The following TNFSF8 variants were observed in gnomAD, a reference collection of about 807,000 sequenced individuals.
TNFSF8 encodes the protein TNF superfamily member 8.
In TNFSF8, 4 loss-of-function variants were observed where a neutral mutation model predicts 22.0. The ratio of observed to expected loss-of-function variants is 0.18; its 90% CI spans 0.09 to 0.42. TNFSF8 has a LOEUF of 0.42. TNFSF8 is among the 10% of genes least tolerant of loss of function. The pLI, the probability that TNFSF8 is intolerant of heterozygous loss-of-function variation, is 1.00. For missense variants in TNFSF8, 233 were observed against 281.8 expected (o/e 0.83, Z 1.24); for synonymous variants, 106 against 112.5 (o/e 0.94, Z 0.37).
downstream of TNFSF8, among the ~76,000 whole-genome samples, chr9:114,899,893 T>G (rs528492732): frequency 6.6e-6 from 1 of 152,198 alleles, no homozygotes; most frequent in Admixed American, 6.5e-5. Context: ...TGTGACACCA[T>G]TTATAATTTT....
chr9:114,900,542 C>A (rs1278993479), downstream of TNFSF8, among the ~76,000 whole-genome samples: 3 of 152,218 alleles, frequency 2.0e-5, no homozygotes, highest in Non-Finnish European at 4.4e-5. Context: ...GTCTTTCCAA[C>A]CTTACTTTGG....
rs562233498 is a variant in TNFSF8, at chr9:114,901,930, T to C, written c.*2001A>G. On this transcript the variant is annotated 3_prime_UTR_variant, in exon 4 of 4. Coordinates refer to ENST00000223795, the MANE Select transcript of TNFSF8 (RefSeq NM_001244.4). ...CCACTGCTGATTTGTTCTTTCTTTT[T>C]TTCTTTTAAATCTTTTCTAGCTTTC... is the stretch of plus-strand genomic sequence containing the variant. 2.0e-6 allele frequency: 2 copies of C among 982,646 alleles called. No homozygotes were observed. Among genetic ancestry groups the C allele is most frequent in the Non-Finnish European group, 2.4e-6 (2 of 827,542 alleles). The allele number at this position is 982,646 out of a possible 1,614,324, so 60.9% of individuals were successfully genotyped here.
chr9:114,919,902 C>A (rs1395397117), intron 1 of TNFSF8, among the ~76,000 whole-genome samples: 1 of 152,152 alleles, frequency 6.6e-6, no homozygotes, highest in Non-Finnish European at 1.5e-5. Flanking sequence ...AGGCAAAGCC[C>A]TGGCACAGCA....
In TNFSF8 at chr9:114,904,000, C is replaced by T. The variant is rs1827752106; in HGVS notation, c.636G>A (p.Gln212=). The T allele has an allele frequency of 6.2e-7, 1 of 1,613,982 alleles. No individual in the cohort carries two copies. The highest frequency in any genetic ancestry group is 1.7e-5 in the Admixed American group (1 of 60,000). ...GAGGAAAGGTGCTTGTATCTATGTA[C>T]TGGAATGTATCCACATTGACTGATA... ...TTISVNVDTF[Q]YIDTSTFPLE... The change falls in exon 4 of 4, where the codon CAG becomes CAA. Residue 212 remains glutamine, a synonymous_variant. Transcript: ENST00000223795.
rs1827713203 is a variant in TNFSF8 at position 114,901,271 on chromosome 9, C to G, written c.*2660G>C. ...AGTAACAGAATTTAGTTTTAAACTT[C>G]CTGGGTTGCCTACTCCCTACATATC... On this transcript the variant is annotated 3_prime_UTR_variant, in exon 4 of 4. Coordinates refer to ENST00000223795, the MANE Select transcript of TNFSF8 (RefSeq NM_001244.4). 1 of 985,218 alleles carries G rather than the reference C, an allele frequency of 1.0e-6. No homozygotes were observed. Among genetic ancestry groups the G allele is most frequent in the Non-Finnish European group, 1.2e-6 (1 of 829,908 alleles). The allele number at this position is 985,218 out of a possible 1,614,324, so 61.0% of individuals were successfully genotyped here.
chr9:114,901,931 T>C lies in TNFSF8; in HGVS notation c.*2000A>G, dbSNP rs2295800. The C allele has an allele frequency of 0.46, 446,979 of 981,390 alleles. 105,628 individuals carry two copies. Among genetic ancestry groups the C allele is most frequent in the African/African-American group, 0.76 (43,616 of 57,168 alleles). The allele number at this position is 981,390 out of a possible 1,614,324, so 60.8% of individuals were successfully genotyped here. A position where few individuals can be genotyped will look rare whatever the true frequency, so the allele number is the denominator to read the frequency against. ...CACTGCTGATTTGTTCTTTCTTTTT[T>C]TCTTTTAAATCTTTTCTAGCTTTCC... is the stretch of plus-strand genomic sequence containing the variant. On this transcript the variant is annotated 3_prime_UTR_variant, in exon 4 of 4. Transcript: ENST00000223795.
chr9:114,930,173 G>A lies in TNFSF8; in HGVS notation c.131C>T (p.Ala44Val). 6.2e-7 allele frequency: 1 copy of A among 1,604,856 alleles called. No homozygotes were observed. Among genetic ancestry groups the A allele is most frequent in the Non-Finnish European group, 8.5e-7 (1 of 1,175,546 alleles). Residue 44 changes from alanine (A) to valine (V), a missense_variant, in exon 1 of 4, where the codon GCC becomes GTC. Transcript: ENST00000223795. The part of the protein sequence containing the change: ...TSRSYFYLTT[A>V]TLALCLVFTV... ...GAAGACAAGGCACAGAGCCAGAGTG[G>A]CTGTGGTCAAATAGAAATAGCTGCG...
intron 4 of TNFSF8, among the ~76,000 whole-genome samples, chr9:114,895,108 G>T (rs571154928): frequency 1.3e-5 from 2 of 152,204 alleles, no homozygotes; most frequent in Non-Finnish European, 2.9e-5. Context: ...GAGCCTCCTG[G>T]TTGTGAAGGA....
At chr9:114,919,414 A>G (rs1385036867) in intron 1 of TNFSF8, among the ~76,000 whole-genome samples, 1 of 152,306 alleles carries the variant, frequency 6.6e-6, no homozygotes, top group East Asian at 1.9e-4. Context: ...TTCTAGTTCA[A>G]GGACTCTCAA....
chr9:114,917,262 C>T (rs1827931036), intron 2 of TNFSF8, among the ~76,000 whole-genome samples: 2 of 152,152 alleles, frequency 1.3e-5, no homozygotes, highest in South Asian at 4.1e-4. Flanking sequence ...GCTGTGTTTG[C>T]CATCTAGGTT....
At chr9:114,909,156 C>T (rs142095882) in intron 2 of TNFSF8, among the ~76,000 whole-genome samples, 2 of 152,312 alleles carry the variant, frequency 1.3e-5, no homozygotes, top group East Asian at 3.9e-4. Flanking sequence ...TTATCAAGAG[C>T]TAGATGAACA....
Position 114,930,382 on chromosome 9 carries a change from G to A in TNFSF8, c.-79C>T. The A allele has an allele frequency of 5.1e-6, 6 of 1,180,790 alleles. No homozygotes were observed. Among genetic ancestry groups the A allele is most frequent in the Non-Finnish European group, 6.7e-6 (6 of 895,986 alleles). The allele number at this position is 1,180,790 out of a possible 1,614,324, so 73.1% of individuals were successfully genotyped here. On this transcript the variant is annotated 5_prime_UTR_variant, in exon 1 of 4. Coordinates refer to ENST00000223795, the MANE Select transcript of TNFSF8 (RefSeq NM_001244.4). ...TCTGGGCCCATCTCTGTTCCAAGAAGGATTCTCCCCCTGAATCCTGAATCA... is the reference window on the plus strand; with the variant it reads ...TCTGGGCCCATCTCTGTTCCAAGAAAGATTCTCCCCCTGAATCCTGAATCA...
intron 1 of TNFSF8, among the ~76,000 whole-genome samples, chr9:114,922,861 A>G (rs553362670): frequency 6.6e-6 from 1 of 152,236 alleles, no homozygotes; most frequent in South Asian, 2.1e-4. Context: ...ATTCTGACTC[A>G]GTAGGGAGGG....
chr9:114,912,284 T>C (rs1359641602), intron 2 of TNFSF8, among the ~76,000 whole-genome samples: 5 of 152,264 alleles, frequency 3.3e-5, no homozygotes, highest in Admixed American at 6.5e-5. Context: ...GGTTGAGTCC[T>C]GTGCCCTAGT....
intron 4 of TNFSF8, chr9:114,894,272 C>A (rs760267031): frequency 2.0e-5 from 18 of 897,254 alleles, no homozygotes; most frequent in Admixed American, 6.1e-5. Flanking sequence ...GGCAAATGTA[C>A]AATCATGCTG....
chr9:114,902,906 C>A lies in TNFSF8; in HGVS notation c.*1025G>T. 1 of 337,452 alleles carries A rather than the reference C, an allele frequency of 3.0e-6. No homozygotes were observed. Among genetic ancestry groups the A allele is most frequent in the Non-Finnish European group, 4.2e-6 (1 of 237,568 alleles). The allele number at this position is 337,452 out of a possible 1,614,324, so 20.9% of individuals were successfully genotyped here. On this transcript the variant is annotated 3_prime_UTR_variant, in exon 4 of 4. Transcript: ENST00000223795. ...TGTATACAAGTTTAATTTCTCATACCAGAAGCCGGGCTTAGTCACCCTTGA... is the reference window on the plus strand; with the variant it reads ...TGTATACAAGTTTAATTTCTCATACAAGAAGCCGGGCTTAGTCACCCTTGA...
At chr9:114,906,602 T>C (rs140492269) in intron 2 of TNFSF8, among the ~76,000 whole-genome samples, 2 of 152,292 alleles carry the variant, frequency 1.3e-5, no homozygotes, top group Non-Finnish European at 1.5e-5. Context: ...GATAAAAACA[T>C]CTTGGTGTTC....
In TNFSF8 at chr9:114,902,092, A is replaced by G; in HGVS notation, c.*1839T>C. ...AGCATAACATCAGGGCCTACATTCC[A>G]TCTCAAACGGCTTGTCAAGGTCCTT... On this transcript the variant is annotated 3_prime_UTR_variant, in exon 4 of 4. Transcript: ENST00000223795. The G allele has an allele frequency of 1.0e-6, 1 of 985,354 alleles. No individual in the cohort carries two copies. Among genetic ancestry groups the G allele is most frequent in the Non-Finnish European group, 1.2e-6 (1 of 829,914 alleles). 61.0% of individuals were successfully genotyped at this position (985,354 alleles called of 1,614,324 possible). A position where few individuals can be genotyped will look rare whatever the true frequency, so the allele number is the denominator to read the frequency against.
intron 3 of TNFSF8, among the ~76,000 whole-genome samples, chr9:114,905,183 A>C (rs74941415): frequency 0.02 from 3,026 of 152,306 alleles, 201 homozygotes; most frequent in Admixed American, 0.11. Context: ...TTGCAATTCA[A>C]CTGAAGAGTG....
Sources: allele counts gnomAD v4.1 joint callset (sites outside exome capture counted in the v4.1 genomes callset), GRCh38; gene constraint gnomAD v4.1.1; transcripts MANE v1.5; gene names NCBI Gene and HGNC (gene_info 2026-07-23, HGNC 2026-07-21).